Variants in PSMA2 observed in about 807,000 individuals in gnomAD.
PSMA2 encodes the protein proteasome subunit alpha type-2.
A neutral mutation model predicts 35.9 loss-of-function variants in PSMA2; 2 were observed. The ratio of observed to expected loss-of-function variants is 0.06; its 90% CI spans 0.02 to 0.18. The LOEUF (loss-of-function observed/expected upper bound fraction) is 0.18, where lower values mean the gene tolerates loss of function less well. PSMA2 is among the 10% of genes least tolerant of loss of function. PSMA2 has a pLI of 1.00. For missense variants in PSMA2, 126 were observed against 278.8 expected, an observed-to-expected ratio of 0.45 and a Z score of 3.90; for synonymous variants, 97 against 98.2, an observed-to-expected ratio of 0.99 and a Z score of 0.07.
intron 6 of PSMA2, chr7:42,918,789 G>A (rs557345785): frequency 4.6e-4 from 74 of 162,206 alleles, no homozygotes; most frequent in Admixed American, 1.6e-3. Flanking sequence ...CATATGGCCC[G>A]TGGCTGACTT....
intron 1 of PSMA2, 33 bp from the exon 2 acceptor site, chr7:42,927,492 A>G (rs370906798): frequency 3.2e-6 from 5 of 1,562,378 alleles, no homozygotes; most frequent in East Asian, 2.2e-5. Flanking sequence ...GTAAGTTCAC[A>G]TATCATCAAA....
intron 2 of PSMA2, among the ~76,000 whole-genome samples, chr7:42,926,900 A>G (rs1786225460): frequency 6.6e-6 from 1 of 152,242 alleles, no homozygotes; most frequent in African/African-American, 2.4e-5. Flanking sequence ...GGTATTACAT[A>G]AACTTTTGTA....
chr7:42,930,845 C>T (rs1422105230), intron 1 of PSMA2, among the ~76,000 whole-genome samples: 3 of 151,968 alleles, frequency 2.0e-5, no homozygotes, highest in African/African-American at 7.2e-5. Flanking sequence ...CATTTGTTTT[C>T]TTCATAAATA....
chr7:42,918,019 T>C (rs536712249), intron 6 of PSMA2, 184 bp from the exon 7 acceptor site: 4 of 457,762 alleles, frequency 8.7e-6, no homozygotes, highest in East Asian at 3.5e-5. Context: ...TATCTGGTGC[T>C]CAATTCCCAA....
chr7:42,922,121 T>C (rs1786137026), intron 5 of PSMA2, among the ~76,000 whole-genome samples, 190 bp from the exon 6 acceptor site: 1 of 152,180 alleles, frequency 6.6e-6, no homozygotes, highest in Non-Finnish European at 1.5e-5. Flanking sequence ...CAAAAAGGCA[T>C]GAAGAAACTT....
chr7:42,931,376 G>A (rs776446338), intron 1 of PSMA2, among the ~76,000 whole-genome samples: 16 of 152,312 alleles, frequency 1.1e-4, no homozygotes, highest in Middle Eastern at 3.4e-3. Flanking sequence ...CACGTTGAGA[G>A]CCATGGTTCG....
chr7:42,924,302 C>T (rs923926431), intron 4 of PSMA2, among the ~76,000 whole-genome samples: 1 of 134,278 alleles, frequency 7.4e-6, no homozygotes, highest in Non-Finnish European at 1.5e-5. Flanking sequence ...TGCAGTGAGC[C>T]GGGATCATGC....
chr7:42,919,216 G>C (rs1372974697), intron 6 of PSMA2: 1 of 610,138 alleles, frequency 1.6e-6, no homozygotes, highest in Non-Finnish European at 3.2e-6. Context: ...AACAATTTTG[G>C]GTCATAAAGA....
In PSMA2 at chr7:42,917,580, T is replaced by A; in HGVS notation, c.699A>T (p.Ile233=). ...TTTTTCAGTCACTTCATTGTTATGC[T>A]ATGGCAGCCAAGTAATCCTTAACTT... ...PTEVKDYLAA[I]A is the part of the protein sequence containing the mutation. The change falls in exon 8 of 8, where the codon ATA becomes ATT. Residue 233 remains isoleucine (I), a synonymous_variant. Transcript: ENST00000223321. The A allele has an allele frequency of 6.2e-7, 1 of 1,610,282 alleles. No homozygotes were observed. The highest frequency in any genetic ancestry group is 8.5e-7 in the Non-Finnish European group (1 of 1,178,036).
In PSMA2 at chr7:42,925,144, C is replaced by T. The variant is rs561225570; in HGVS notation, c.252-347G>A. Among the ~76,000 whole-genome samples the T allele has an allele frequency of 1.1e-4, 17 of 152,328 alleles. 1 individual carries two copies. In the East Asian group the frequency reaches 3.3e-3, roughly 29 times the overall value. On this transcript the variant is annotated intron_variant, in intron 3 of 7. Coordinates refer to ENST00000223321, the MANE Select transcript of PSMA2 (RefSeq NM_002787.5). The stretch of plus-strand genomic sequence containing the variant: ...ACACACACAAGCACACATAAACACA[C>T]AGGCACACAATTCTGGGCATATTTT...
chr7:42,920,798 G>A (rs1050303596), intron 6 of PSMA2: 7 of 152,108 alleles, frequency 4.6e-5, no homozygotes, highest in South Asian at 2.1e-4. Context: ...ACGGAGTTAC[G>A]AAGTTTTTTA....
At chr7:42,928,507 T>G (rs934785937) in intron 1 of PSMA2, among the ~76,000 whole-genome samples, 2 of 152,224 alleles carry the variant, frequency 1.3e-5, no homozygotes, top group Non-Finnish European at 2.9e-5. Context: ...ATGGATTTGG[T>G]AGCTAAACGC....
intron 1 of PSMA2, among the ~76,000 whole-genome samples, chr7:42,931,722 G>A (rs1786316181): frequency 1.3e-5 from 2 of 152,114 alleles, no homozygotes; most frequent in African/African-American, 2.4e-5. Flanking sequence ...ATTTGACCAA[G>A]ATTCCAAGTT....
intron 1 of PSMA2, 134 bp downstream of exon 1, chr7:42,931,984 A>G: frequency 8.2e-7 from 1 of 1,217,232 alleles, no homozygotes. Flanking sequence ...TGACTTTGCA[A>G]AGCCGCATTT....
chr7:42,916,921 A>G lies in PSMA2; in HGVS notation c.*653T>C, dbSNP rs1405265420. The G allele has an allele frequency of 6.6e-6, 1 of 152,200 alleles. No individual in the cohort carries two copies. The highest frequency in any genetic ancestry group is 1.5e-5 in the Non-Finnish European group (1 of 68,044). 9.4% of individuals were successfully genotyped at this position (152,200 alleles called of 1,614,324 possible). A position where few individuals can be genotyped will look rare whatever the true frequency, so the allele number is the denominator to read the frequency against. ...ACTTATGCTCATCCTTGAGTTTAAA[A>G]AGTCTAACAAAATCTAAGAACCCGG... On this transcript the variant is annotated 3_prime_UTR_variant, in exon 8 of 8. Coordinates refer to ENST00000223321, the MANE Select transcript of PSMA2 (RefSeq NM_002787.5).
intron 5 of PSMA2, among the ~76,000 whole-genome samples, 200 bp downstream of exon 5, chr7:42,923,125 C>T (rs114551656): frequency 1.1e-3 from 171 of 151,638 alleles, no homozygotes; most frequent in African/African-American, 4.0e-3. Flanking sequence ...GAGGGTAGAA[C>T]TAATACAGCT....
intron 1 of PSMA2, among the ~76,000 whole-genome samples, chr7:42,931,633 G>C (rs899888273): frequency 2.0e-5 from 3 of 152,126 alleles, no homozygotes; most frequent in African/African-American, 7.2e-5. Context: ...GGTTTTGAAA[G>C]ACACTAGTGC....
At chr7:42,932,095 G>A (rs1786323890) in intron 1 of PSMA2, 23 bp downstream of exon 1, 1 of 1,613,926 alleles carries the variant, frequency 6.2e-7, no homozygotes, top group Admixed American at 1.7e-5. Flanking sequence ...CTACGCTGAA[G>A]ACCTCGAGGG....
intron 6 of PSMA2, chr7:42,919,919 A>T (rs1203238421): frequency 1.3e-6 from 1 of 755,594 alleles, no homozygotes; most frequent in Non-Finnish European, 2.5e-6. Context: ...TGAGACTGGC[A>T]AACTGTGGTA....
Sources: gnomAD v4.1 joint callset for allele counts (sites outside exome capture counted in the v4.1 genomes callset) on GRCh38, gnomAD v4.1.1 for gene constraint, MANE v1.5 for transcripts, NCBI Gene and HGNC (gene_info 2026-07-23, HGNC 2026-07-21) for gene names.